The following MBOAT2 variants were observed in gnomAD, a reference collection of about 807,000 sequenced individuals.
MBOAT2 encodes the protein membrane-bound glycerophospholipid O-acyltransferase 2.
MBOAT2 carries 28 observed loss-of-function variants against 63.4 expected under a neutral mutation model. The observed-to-expected ratio is 0.44, with a 90% CI of 0.33 to 0.61. The LOEUF (loss-of-function observed/expected upper bound fraction) is 0.61, where lower values mean the gene tolerates loss of function less well. Ranked by LOEUF, MBOAT2 falls within the 20% of genes least tolerant of loss-of-function variation. The pLI is 0.03. For missense variants in MBOAT2, 470 were observed against 605.8 expected (o/e 0.78, Z 2.35); for synonymous variants, 211 against 215.6 (o/e 0.98, Z 0.19).
chr2:8,864,875 T>A (rs1258159940), intron 9 of MBOAT2, among the ~76,000 whole-genome samples: 1 of 152,222 alleles, frequency 6.6e-6, no homozygotes, highest in Non-Finnish European at 1.5e-5. Context: ...TCCTCTGGTC[T>A]TCACTTCTGA....
chr2:8,873,672 A>T (rs909221677), intron 7 of MBOAT2, among the ~76,000 whole-genome samples: 14 of 152,136 alleles, frequency 9.2e-5, no homozygotes, highest in South Asian at 4.1e-4. Context: ...GGATATATAT[A>T]TTTTTTCCAT....
Position 8,862,497 on chromosome 2 carries a change from G to A in MBOAT2, c.1185+93C>T. On this transcript the variant is annotated intron_variant, in intron 11 of 12. Transcript: ENST00000305997. This position sits in a 1 kb window ranked among gnomAD's most constrained non-coding sequence, Gnocchi z 4.3. The stretch of plus-strand genomic sequence containing the variant: ...AAGGACAATACTGACCACGACCAAG[G>A]AAAGAGGGTCTACCTTGTAAGAGAG... The A allele has an allele frequency of 6.8e-7, 1 of 1,474,066 alleles. No homozygotes were observed. Among genetic ancestry groups the A allele is most frequent in the Non-Finnish European group, 9.2e-7 (1 of 1,085,988 alleles). 91.3% of individuals were successfully genotyped at this position (1,474,066 alleles called of 1,614,324 possible). A position where few individuals can be genotyped will look rare whatever the true frequency, so the allele number is the denominator to read the frequency against.
intron 2 of MBOAT2, among the ~76,000 whole-genome samples, chr2:8,944,007 G>C (rs1313368938): frequency 6.6e-6 from 1 of 151,982 alleles, no homozygotes; most frequent in Non-Finnish European, 1.5e-5. Flanking sequence ...GGGATTACAG[G>C]TGCCCACCAC....
Position 8,943,201 on chromosome 2 carries a change from C to T in MBOAT2, c.285G>A (p.Val95=). Reference sequence around the variant, plus strand: ...TGAATACTTACTTGTGCATGTTCTCCACTCCTATGATGATCATGATACAGT... The same window carrying T: ...TGAATACTTACTTGTGCATGTTCTCTACTCCTATGATGATCATGATACAGT... The part of the protein sequence containing the change: ...ISYCIMIIIG[V]ENMHNYCFVF... The change falls in exon 3 of 13, where the codon GTG becomes GTA. Residue 95 remains valine, a synonymous_variant. Transcript: ENST00000305997. 1 of 1,554,722 alleles carries T rather than the reference C, an allele frequency of 6.4e-7. No individual in the cohort carries two copies.
intron 1 of MBOAT2, among the ~76,000 whole-genome samples, chr2:8,996,250 G>C (rs1672295235): frequency 6.6e-6 from 1 of 152,190 alleles, no homozygotes; most frequent in South Asian, 2.1e-4. Flanking sequence ...CCTGATTATA[G>C]TGGTTTTAAA....
intron 2 of MBOAT2, 67 bp from the exon 3 acceptor site, chr2:8,943,331 A>C: frequency 1.0e-6 from 1 of 972,374 alleles, no homozygotes; most frequent in Non-Finnish European, 1.5e-6. Flanking sequence ...GAAGTGAATT[A>C]AGCTAAAAAA....
rs1006765421 is a variant in MBOAT2 at position 8,985,334 on chromosome 2, A to G, written c.75+18206T>C. The stretch of plus-strand genomic sequence containing the variant: ...CAAATTACCACAGGTTCTTTATTCT[A>G]TCAAACTAACTTCTTATTCTGAAAA... On this transcript the variant is annotated intron_variant, in intron 1 of 12. Coordinates refer to ENST00000305997, the MANE Select transcript of MBOAT2 (RefSeq NM_138799.4). Among the ~76,000 whole-genome samples the G allele has an allele frequency of 2.6e-5, 4 of 152,304 alleles. No homozygotes were observed. The South Asian group carries it at 6.2e-4, about 24-fold the overall frequency.
intron 3 of MBOAT2, among the ~76,000 whole-genome samples, chr2:8,913,922 C>A (rs908850311): frequency 3.3e-5 from 5 of 152,180 alleles, no homozygotes; most frequent in African/African-American, 1.2e-4. Context: ...GGAACCAACC[C>A]AAATGCCCAC....
intron 6 of MBOAT2, among the ~76,000 whole-genome samples, chr2:8,878,555 C>A (rs1208731985): frequency 6.6e-6 from 1 of 152,184 alleles, no homozygotes; most frequent in Non-Finnish European, 1.5e-5. Flanking sequence ...TTATGTTGCC[C>A]AGGCTGGACT....
At chr2:8,997,352 G>A (rs964824577) in intron 1 of MBOAT2, among the ~76,000 whole-genome samples, 3 of 152,128 alleles carry the variant, frequency 2.0e-5, no homozygotes, top group South Asian at 2.1e-4. Context: ...ACCTACAGAG[G>A]CAGTAACAAC....
At chr2:8,929,734 A>G (rs1430446086) in intron 3 of MBOAT2, among the ~76,000 whole-genome samples, 1 of 152,154 alleles carries the variant, frequency 6.6e-6, no homozygotes, top group East Asian at 1.9e-4. Context: ...CTTTGGGTAT[A>G]TATCTAGTAA....
intron 6 of MBOAT2, among the ~76,000 whole-genome samples, chr2:8,880,375 T>TA (rs1341406903): frequency 6.6e-6 from 1 of 152,206 alleles, no homozygotes; most frequent in Non-Finnish European, 1.5e-5. Context: ...ATGGTACTGC[T>TA]ATTAGCTAAC....
chr2:8,919,836 C>T (rs1408653882), intron 3 of MBOAT2, among the ~76,000 whole-genome samples: 1 of 151,952 alleles, frequency 6.6e-6, no homozygotes, highest in African/African-American at 2.4e-5. Flanking sequence ...ACTCAATGTA[C>T]CTTGGACTCC....
intron 5 of MBOAT2, among the ~76,000 whole-genome samples, chr2:8,883,251 A>C (rs1663277889): frequency 6.6e-6 from 1 of 152,160 alleles, no homozygotes; most frequent in African/African-American, 2.4e-5. Context: ...GCAATTAAAA[A>C]ACAGTGAAAT....
chr2:8,950,033 C>T (rs987175270), intron 2 of MBOAT2, among the ~76,000 whole-genome samples: 2 of 152,108 alleles, frequency 1.3e-5, no homozygotes, highest in African/African-American at 4.8e-5. Flanking sequence ...AGATCTTTCG[C>T]CTCCCTAGTT....
At chr2:8,985,526 CA>C (rs1671507507) in intron 1 of MBOAT2, among the ~76,000 whole-genome samples, 2 of 152,106 alleles carry the variant, frequency 1.3e-5, no homozygotes, top group South Asian at 4.1e-4. Context: ...CTTTCATATC[CA>C]CCCTTCCCAT....
intron 4 of MBOAT2, among the ~76,000 whole-genome samples, chr2:8,900,551 A>T (rs1351619446): frequency 6.6e-6 from 1 of 152,148 alleles, no homozygotes; most frequent in Non-Finnish European, 1.5e-5. Context: ...AGCTTGAAGG[A>T]GACATATCCA....
At chr2:8,914,462 A>G (rs2148598043) in intron 3 of MBOAT2, among the ~76,000 whole-genome samples, 1 of 152,118 alleles carries the variant, frequency 6.6e-6, no homozygotes, top group East Asian at 1.9e-4. Flanking sequence ...GTTGAATTGC[A>G]GCCATAAGTT....
intron 1 of MBOAT2, among the ~76,000 whole-genome samples, chr2:8,968,032 T>C (rs947115427): frequency 8.6e-5 from 13 of 151,872 alleles, no homozygotes; most frequent in African/African-American, 2.9e-4. Flanking sequence ...AAGAGAGTAG[T>C]GGTTCTTCGA....
Sources: allele counts gnomAD v4.1 joint callset (sites outside exome capture counted in the v4.1 genomes callset), GRCh38; gene constraint gnomAD v4.1.1; non-coding constraint Gnocchi (gnomAD v3.1); transcripts MANE v1.5; gene names NCBI Gene and HGNC (gene_info 2026-07-23, HGNC 2026-07-21).